Variants in LGSN observed in about 807,000 individuals in gnomAD.
LGSN encodes lengsin.
In LGSN, 21 loss-of-function variants were observed where a neutral mutation model predicts 19.5. The ratio of observed to expected loss-of-function variants is 1.07; its 90% CI spans 0.76 to 1.55. LGSN has a LOEUF of 1.55. Ranked by LOEUF, LGSN falls within the 40% of genes most tolerant of loss-of-function variation. The probability of loss-of-function intolerance (pLI) is 0.00; values close to 1 mark genes in which losing one functional copy is unlikely to be tolerated. For synonymous variants in LGSN, 257 were observed against 215.6 expected (o/e 1.19, Z -1.68); for missense variants, 673 against 608.5 (o/e 1.11, Z -1.12).
the LGSN span, chr6:63,549,389 T>C: frequency 1.3e-6 from 1 of 754,266 alleles, no homozygotes; most frequent in South Asian, 1.4e-5. Context: ...TCCTGTCCAA[T>C]GTCAAAATTC....
chr6:63,573,428 A>G, the LGSN span: 2 of 152,014 alleles, frequency 1.3e-5, no homozygotes, highest in Non-Finnish European at 2.9e-5. Context: ...CCGGGACCCG[A>G]GCCTCAGACA....
the LGSN span, among the ~76,000 whole-genome samples, chr6:63,563,394 C>G: frequency 6.6e-6 from 1 of 152,162 alleles, no homozygotes; most frequent in African/African-American, 2.4e-5. Flanking sequence ...ACCTGAAATT[C>G]TGTGTTGTCA....
the LGSN span, among the ~76,000 whole-genome samples, chr6:63,414,022 G>A: frequency 1.3e-5 from 2 of 152,056 alleles, no homozygotes; most frequent in Admixed American, 6.6e-5. Context: ...AATTAATAGG[G>A]GGCCAGTCGA....
At chr6:63,336,539 G>GTATA in the LGSN span, among the ~76,000 whole-genome samples, 1 of 144,824 alleles carries the variant, frequency 6.9e-6, no homozygotes, top group Admixed American at 7.3e-5. Context: ...GTGTGTGTGT[G>GTATA]TGTGTGTGTG....
the LGSN span, among the ~76,000 whole-genome samples, chr6:63,523,291 T>TATTTATAGAC: frequency 6.6e-6 from 1 of 152,096 alleles, no homozygotes; most frequent in African/African-American, 2.4e-5. Flanking sequence ...ATATGATGTC[T>TATTTATAGAC]ATAAATGAAG....
chr6:63,467,981 C>T, the LGSN span, among the ~76,000 whole-genome samples: 4 of 151,784 alleles, frequency 2.6e-5, no homozygotes, highest in African/African-American at 7.3e-5. Context: ...CGTGAGGCAC[C>T]GGGCCCGGTC....
Position 63,281,086 on chromosome 6 carries a change from G to T in LGSN, c.465C>A (p.Thr155=), listed in dbSNP as rs141217825. Residue 155 remains threonine (T), a synonymous_variant, in exon 4 of 4, where the codon ACC becomes ACA. Transcript: ENST00000370657. ...TGTCAGCCCATGGCAAAACTCTAAA[G>T]GTTGATAACTCTGGCATTAGGACTA... is the stretch of plus-strand genomic sequence containing the variant. ...SDIVLMPELS[T]FRVLPWADRT... is the part of the protein sequence containing the mutation. 5.0e-6 allele frequency: 8 copies of T among 1,613,604 alleles called. No homozygotes were observed. The highest frequency in any genetic ancestry group is 2.7e-5 in the African/African-American group (2 of 74,776).
At chr6:63,301,870 C>G (rs1442104086) in intron 1 of LGSN, among the ~76,000 whole-genome samples, 1 of 152,040 alleles carries the variant, frequency 6.6e-6, no homozygotes, top group Non-Finnish European at 1.5e-5. Flanking sequence ...TTTTGAAAAC[C>G]TTTTAATTAT....
chr6:63,341,778 A>G, the LGSN span, among the ~76,000 whole-genome samples: 2 of 152,092 alleles, frequency 1.3e-5, no homozygotes, highest in Admixed American at 6.5e-5. Context: ...CCCTTCCTAT[A>G]TTGGAAGAAA....
the LGSN span, among the ~76,000 whole-genome samples, chr6:63,491,740 C>T: frequency 1.3e-5 from 2 of 152,066 alleles, no homozygotes; most frequent in African/African-American, 4.8e-5. Context: ...ACTATAAATT[C>T]ACATATGTGG....
the LGSN span, among the ~76,000 whole-genome samples, chr6:63,432,100 A>AGAAAGAAG: frequency 5.0e-3 from 333 of 66,538 alleles, 4 homozygotes; most frequent in Non-Finnish European, 8.8e-3. Context: ...AAAGAAAGAA[A>AGAAAGAAG]GAAAGAAAGA....
the LGSN span, among the ~76,000 whole-genome samples, chr6:63,531,581 C>T: frequency 6.7e-6 from 1 of 149,994 alleles, no homozygotes; most frequent in East Asian, 2.0e-4. Flanking sequence ...CCTCAACCTC[C>T]TGGACTCAGG....
chr6:63,319,247 T>C (rs1768992912), intron 1 of LGSN, among the ~76,000 whole-genome samples: 1 of 152,232 alleles, frequency 6.6e-6, no homozygotes, highest in South Asian at 2.1e-4. Context: ...ACTCTTCACA[T>C]AGTAGGTATG....
At chr6:63,481,842 T>C in the LGSN span, 1 of 289,412 alleles carries the variant, frequency 3.5e-6, no homozygotes, top group Non-Finnish European at 6.8e-6. Flanking sequence ...TTGAGAACTA[T>C]ATGCAATCCA....
chr6:63,392,840 T>C, the LGSN span, among the ~76,000 whole-genome samples: 1 of 151,838 alleles, frequency 6.6e-6, no homozygotes. Flanking sequence ...GATTGGCAGT[T>C]GTGCCAATCA....
chr6:63,345,887 A>G, the LGSN span, among the ~76,000 whole-genome samples: 1 of 152,240 alleles, frequency 6.6e-6, no homozygotes, highest in Non-Finnish European at 1.5e-5. Flanking sequence ...ACTTACTGAA[A>G]GACCATCCTT....
chr6:63,298,150 A>C (rs189077166), intron 1 of LGSN, among the ~76,000 whole-genome samples: 92 of 152,314 alleles, frequency 6.0e-4, no homozygotes, highest in African/African-American at 2.0e-3. Flanking sequence ...TTTGAAGTAG[A>C]GCTTCCAGCA....
chr6:63,430,501 GC>G, the LGSN span, among the ~76,000 whole-genome samples: 1 of 152,044 alleles, frequency 6.6e-6, no homozygotes, highest in Non-Finnish European at 1.5e-5. Flanking sequence ...CAATTCTTCT[GC>G]CTCAGACTCC....
intron 2 of LGSN, among the ~76,000 whole-genome samples, chr6:63,293,257 A>G (rs935159787): frequency 6.6e-6 from 1 of 152,142 alleles, no homozygotes; most frequent in Non-Finnish European, 1.5e-5. Flanking sequence ...TCAGCCTCCC[A>G]AAGTGCTGGG....
Sources: allele counts gnomAD v4.1 joint callset (sites outside exome capture counted in the v4.1 genomes callset), GRCh38; gene constraint gnomAD v4.1.1; transcripts MANE v1.5; gene names NCBI Gene and HGNC (gene_info 2026-07-23, HGNC 2026-07-21).